SP1: variants seen among roughly 807,000 people sequenced by gnomAD.
SP1 encodes the protein transcription factor Sp1.
Under a neutral mutation model 66.3 loss-of-function variants are expected in SP1, and 6 were observed. The ratio of observed to expected loss-of-function variants is 0.09; its 90% confidence interval spans 0.05 to 0.18. The LOEUF is 0.18. Among genes scored for constraint, SP1 ranks in the 10% least tolerant of loss-of-function variants. The pLI is 1.00. For synonymous variants in SP1, 417 were observed against 360.8 expected, an observed-to-expected ratio of 1.16 and a Z score of -1.77; for missense variants, 848 against 964.5, an observed-to-expected ratio of 0.88 and a Z score of 1.60.
At position 53,382,171 on chromosome 12, in the gene SP1, A is replaced by G. The variant is rs1320418366; in HGVS notation, c.224A>G (p.Asn75Ser). 8.1e-6 allele frequency: 13 copies of G among 1,614,034 alleles called. No individual in the cohort carries two copies. Among genetic ancestry groups the G allele is most frequent in the African/African-American group, 5.3e-5 (4 of 74,904 alleles). Residue 75 changes from asparagine (N) to serine (S), a missense_variant, in exon 3 of 6, where the codon AAT (asparagine) becomes AGT (serine). Coordinates refer to ENST00000327443, the MANE Select transcript of SP1 (RefSeq NM_138473.3). ...ACTTGCAGCAGAATTGAGTCACCCA[A>G]TGAGAACAGCAACAACTCCCAGGGC... ...AATCSRIESP[N>S]ENSNNSQGPS...
chr12:53,401,457 GA>G (rs11367408), intron 3 of SP1, among the ~76,000 whole-genome samples: 19,442 of 81,112 alleles, frequency 0.24, 1,078 homozygotes, highest in African/African-American at 0.28. Context: ...ATCTATCTGG[GA>G]AAAAAAAAAA....
chr12:53,395,421 GCTT>G (rs1394251878), intron 3 of SP1, among the ~76,000 whole-genome samples: 1 of 151,958 alleles, frequency 6.6e-6, no homozygotes, highest in African/African-American at 2.4e-5. Context: ...ACATTTTAAG[GCTT>G]CTTATTTACC....
At chr12:53,383,748 A>T in intron 3 of SP1, 126 bp downstream of exon 3, 2 of 765,922 alleles carry the variant, frequency 2.6e-6, no homozygotes, top group Admixed American at 2.8e-5. Flanking sequence ...ATTTAGGCAA[A>T]TAAATTTGAG....
rs1565806804 is a variant in SP1, at chr12:53,382,617, A to G, written c.670A>G (p.Ile224Val). ...CACAAATCGAGGAAGTGGAGGCAACATCATTGCTGCTATGCCAAACCTACT... is the reference window on the plus strand; with the variant it reads ...CACAAATCGAGGAAGTGGAGGCAACGTCATTGCTGCTATGCCAAACCTACT... ...IITNRGSGGN[I>V]IAAMPNLLQQ... Residue 224 changes from isoleucine (I) to valine (V), a missense_variant, in exon 3 of 6, where the codon ATC becomes GTC. Transcript: ENST00000327443. 1.9e-6 allele frequency: 3 copies of G among 1,614,180 alleles called. No homozygotes were observed. The highest frequency in any genetic ancestry group is 1.3e-5 in the African/African-American group (1 of 75,046).
At chr12:53,397,398 C>G (rs1938513218) in intron 3 of SP1, among the ~76,000 whole-genome samples, 1 of 151,898 alleles carries the variant, frequency 6.6e-6, no homozygotes, top group African/African-American at 2.4e-5. Context: ...CTCAAAAACC[C>G]CAACACTTCA....
chr12:53,384,649 C>T (rs146812603), intron 3 of SP1, among the ~76,000 whole-genome samples: 58 of 152,270 alleles, frequency 3.8e-4, no homozygotes, highest in Middle Eastern at 3.4e-3. Context: ...ATTCTTAGCT[C>T]TAAGGCCTTC....
intron 3 of SP1, among the ~76,000 whole-genome samples, chr12:53,384,012 C>G (rs750218568): frequency 1.3e-5 from 2 of 151,222 alleles, no homozygotes; most frequent in African/African-American, 4.9e-5. Flanking sequence ...CTCTGTCATC[C>G]AGGCTGGAGT....
chr12:53,402,155 C>G (rs1938620971), intron 3 of SP1, among the ~76,000 whole-genome samples: 1 of 151,886 alleles, frequency 6.6e-6, no homozygotes, highest in South Asian at 2.1e-4. Context: ...CTAGTTTCAG[C>G]TCTACCAATA....
chr12:53,384,202 C>G (rs533457783), intron 3 of SP1, among the ~76,000 whole-genome samples: 21 of 152,146 alleles, frequency 1.4e-4, no homozygotes, highest in African/African-American at 5.1e-4. Context: ...ATCTCCTGAC[C>G]TCGTGATCCG....
intron 4 of SP1, among the ~76,000 whole-genome samples, chr12:53,408,789 C>G (rs374660393): frequency 6.6e-6 from 1 of 151,990 alleles, no homozygotes; most frequent in Non-Finnish European, 1.5e-5. Context: ...ACCCATAGTC[C>G]CAGCTACTCG....
At chr12:53,388,035 C>T (rs1180378548) in intron 3 of SP1, among the ~76,000 whole-genome samples, 1 of 151,962 alleles carries the variant, frequency 6.6e-6, no homozygotes, top group African/African-American at 2.4e-5. Flanking sequence ...AGATTTAATG[C>T]TCTAAAACTG....
chr12:53,398,739 A>T (rs1938544250), intron 3 of SP1, among the ~76,000 whole-genome samples: 1 of 152,214 alleles, frequency 6.6e-6, no homozygotes, highest in Non-Finnish European at 1.5e-5. Context: ...AAAAGCATTT[A>T]CTTGATAAAG....
At position 53,383,028 on chromosome 12, in the gene SP1, G is replaced by A; in HGVS notation, c.1081G>A (p.Gly361Arg). The A allele has an allele frequency of 6.2e-7, 1 of 1,614,156 alleles. No homozygotes were observed. Among genetic ancestry groups the A allele is most frequent in the South Asian group, 1.1e-5 (1 of 91,084 alleles). The change falls in exon 3 of 6, where the codon GGG becomes AGG. Residue 361 changes from glycine to arginine, a missense_variant. Transcript: ENST00000327443. ...SQGQTPQRVS[G>R]LQGSDALNIQ... ...AGGCCAGACACCCCAGAGGGTCAGT[G>A]GGCTACAGGGGTCTGATGCTCTGAA...
chr12:53,395,906 G>A (rs1273682883), intron 3 of SP1, among the ~76,000 whole-genome samples: 2 of 152,134 alleles, frequency 1.3e-5, no homozygotes, highest in African/African-American at 4.8e-5. Context: ...TGGATCACAA[G>A]GTCAGGAGTT....
chr12:53,409,806 G>A (rs1442255490), intron 5 of SP1, among the ~76,000 whole-genome samples: 5 of 151,390 alleles, frequency 3.3e-5, no homozygotes, highest in Admixed American at 6.6e-5. Context: ...TCAGGAGATC[G>A]AGACCATTCT....
At position 53,416,217 on chromosome 12, in the gene SP1, GTTC is replaced by G. The variant is rs1456358937; in HGVS notation, c.*4981_*4983del. The G allele has an allele frequency of 2.0e-5, 3 of 152,678 alleles. No homozygotes were observed. Among genetic ancestry groups the G allele is most frequent in the African/African-American group, 7.3e-5 (3 of 41,016 alleles). 9.5% of individuals were successfully genotyped at this position (152,678 alleles called of 1,614,324 possible). ...ATGCTTTTAAATGCTCTCTCATCTT[GTTC>G]TTCCCCCTCACCCCCCACTCTTAGG... On this transcript the variant is annotated 3_prime_UTR_variant, in exon 6 of 6. Coordinates refer to ENST00000327443, the MANE Select transcript of SP1 (RefSeq NM_138473.3).
chr12:53,382,052 C>T (rs759221761), intron 2 of SP1, 58 bp from the exon 3 acceptor site: 141 of 1,516,826 alleles, frequency 9.3e-5, no homozygotes, highest in Admixed American at 1.2e-4. Flanking sequence ...TGTATACTGC[C>T]CCCTAGGCTG....
At chr12:53,382,026 G>A (rs765963858) in intron 2 of SP1, 84 bp from the exon 3 acceptor site, 21 of 1,345,422 alleles carry the variant, frequency 1.6e-5, no homozygotes, top group Non-Finnish European at 2.1e-5. Flanking sequence ...TCTGCACTAC[G>A]TTGCTGTTTA....
At chr12:53,380,448 A>C in intron 1 of SP1, 150 bp downstream of exon 1, 1 of 526,530 alleles carries the variant, frequency 1.9e-6, no homozygotes. Context: ...GAGGGAAGGG[A>C]GGGAGACGGG....
Sources: gnomAD v4.1 joint callset for allele counts (sites outside exome capture counted in the v4.1 genomes callset) on GRCh38, gnomAD v4.1.1 for gene constraint, MANE v1.5 for transcripts, NCBI Gene and HGNC (gene_info 2026-07-23, HGNC 2026-07-21) for gene names.